Variants in IFNLR1 observed in about 807,000 individuals in gnomAD.
The protein encoded by IFNLR1 is interferon lambda receptor 1.
Under a neutral mutation model 52.5 loss-of-function variants are expected in IFNLR1, and 28 were observed. The ratio of observed to expected loss-of-function variants is 0.53; its 90% confidence interval spans 0.40 to 0.73. The LOEUF is 0.73. IFNLR1 is among the 30% of genes least tolerant of loss of function. IFNLR1 has a pLI of 0.00. For synonymous variants in IFNLR1, 276 were observed against 274.9 expected, an observed-to-expected ratio of 1.00 and a Z score of -0.04; for missense variants, 623 against 659.1, an observed-to-expected ratio of 0.95 and a Z score of 0.60.
chr1:24,163,381 G>A (rs910507908), intron 3 of IFNLR1, among the ~76,000 whole-genome samples: 2 of 152,124 alleles, frequency 1.3e-5, no homozygotes, highest in Admixed American at 6.5e-5. Context: ...TCACAATGAT[G>A]ATTAAATGTC....
At chr1:24,169,744 A>T (rs1369371760) in intron 2 of IFNLR1, 143 bp from the exon 3 acceptor site, 2 of 816,020 alleles carry the variant, frequency 2.5e-6, no homozygotes, top group Non-Finnish European at 3.8e-6. Context: ...ACTGGCTGAG[A>T]CAGGATAAGA....
At chr1:24,175,734 A>G (rs1360115082) in intron 2 of IFNLR1, among the ~76,000 whole-genome samples, 2 of 152,248 alleles carry the variant, frequency 1.3e-5, no homozygotes, top group East Asian at 3.9e-4. Flanking sequence ...GGAGTTCAAG[A>G]CCAGCCTGGC....
chr1:24,184,772 A>C (rs922135379), intron 1 of IFNLR1, among the ~76,000 whole-genome samples: 1 of 152,206 alleles, frequency 6.6e-6, no homozygotes, highest in African/African-American at 2.4e-5. Context: ...TGATCCCAGC[A>C]TTTTGGGAGG....
intron 1 of IFNLR1, among the ~76,000 whole-genome samples, chr1:24,185,843 A>G (rs1226343818): frequency 6.6e-6 from 1 of 152,194 alleles, no homozygotes; most frequent in Non-Finnish European, 1.5e-5. Flanking sequence ...CTTTACATGT[A>G]AAACCTCAAT....
intron 2 of IFNLR1, among the ~76,000 whole-genome samples, chr1:24,171,343 A>C (rs764300947): frequency 3.3e-5 from 5 of 152,244 alleles, no homozygotes; most frequent in Non-Finnish European, 7.3e-5. Context: ...GTTGAACCAC[A>C]TGTGAACTAT....
At chr1:24,185,103 T>C (rs1306366927) in intron 1 of IFNLR1, among the ~76,000 whole-genome samples, 1 of 152,164 alleles carries the variant, frequency 6.6e-6, no homozygotes, top group Non-Finnish European at 1.5e-5. Context: ...CTAAACAGTT[T>C]ACCTGCACTT....
Position 24,159,057 on chromosome 1 carries a change from C to T in IFNLR1, c.796G>A (p.Ala266Thr). 1.2e-6 allele frequency: 2 copies of T among 1,613,990 alleles called. No homozygotes were observed. Among genetic ancestry groups the T allele is most frequent in the Non-Finnish European group, 1.7e-6 (2 of 1,179,954 alleles). ...CACCCCCAGATTTGCTATACCAGGG[C>T]CCGTGGCATCTTTGCCCGCTGAAAC... ...PWFQRAKMPR[A>T]LDFSGHTHPV... is the part of the protein sequence containing the mutation. The change falls in exon 6 of 7, where the codon GCC (alanine) becomes ACC (threonine). Residue 266 changes from alanine (A) to threonine (T), a missense_variant. Ala to Thr is a moderately conservative substitution (Grantham distance 58). Coordinates refer to ENST00000327535, the MANE Select transcript of IFNLR1 (RefSeq NM_170743.4).
chr1:24,163,473 T>A (rs2148590746), intron 3 of IFNLR1, among the ~76,000 whole-genome samples: 1 of 152,234 alleles, frequency 6.6e-6, no homozygotes, highest in South Asian at 2.1e-4. Flanking sequence ...AATACTGACA[T>A]CTAACATATT....
intron 1 of IFNLR1, among the ~76,000 whole-genome samples, chr1:24,182,199 CAAA>C (rs60217046): frequency 5.5e-3 from 726 of 132,860 alleles, no homozygotes; most frequent in Non-Finnish European, 7.5e-3. Context: ...GACTCCATTC[CAAA>C]AAAAAAAAAA....
intron 4 of IFNLR1, among the ~76,000 whole-genome samples, chr1:24,161,124 G>A (rs957908834): frequency 6.6e-6 from 1 of 152,154 alleles, no homozygotes; most frequent in Non-Finnish European, 1.5e-5. Context: ...AGTCCTGAGC[G>A]AACATACGGC....
intron 4 of IFNLR1, 93 bp from the exon 5 acceptor site, chr1:24,159,726 G>GTTTTTTTTTTTTTTTGTTT: frequency 1.8e-5 from 14 of 761,902 alleles, no homozygotes; most frequent in South Asian, 6.3e-5. Flanking sequence ...ATGGTAGGGT[G>GTTTTTTTTTTTTTTTGTTT]TTTTTTTTTT....
intron 6 of IFNLR1, among the ~76,000 whole-genome samples, 154 bp from the exon 7 acceptor site, chr1:24,158,045 G>C (rs760488462): frequency 2.6e-5 from 4 of 152,222 alleles, no homozygotes; most frequent in Non-Finnish European, 4.4e-5. Context: ...AGATGGGACT[G>C]GGGGAGCAGC....
chr1:24,165,759 A>C (rs192575609), intron 3 of IFNLR1, among the ~76,000 whole-genome samples: 8 of 152,342 alleles, frequency 5.3e-5, no homozygotes. Context: ...GTCATTACTT[A>C]CATGTTTAGG....
intron 4 of IFNLR1, among the ~76,000 whole-genome samples, chr1:24,160,502 A>T (rs1348902863): frequency 1.3e-5 from 2 of 152,230 alleles, no homozygotes; most frequent in Non-Finnish European, 2.9e-5. Flanking sequence ...AACACTTAAA[A>T]CTGCACATGT....
intron 4 of IFNLR1, among the ~76,000 whole-genome samples, chr1:24,160,093 G>A (rs1334666300): frequency 6.6e-6 from 1 of 152,182 alleles, no homozygotes; most frequent in East Asian, 1.9e-4. Flanking sequence ...GAGTCTAGAG[G>A]TAGGGATAGC....
intron 2 of IFNLR1, among the ~76,000 whole-genome samples, chr1:24,179,591 T>C (rs1203389760): frequency 6.6e-6 from 1 of 152,134 alleles, no homozygotes; most frequent in Non-Finnish European, 1.5e-5. Flanking sequence ...AGGGCACAAA[T>C]GTTGGAGTCG....
At chr1:24,173,490 C>A (rs1644601950) in intron 2 of IFNLR1, among the ~76,000 whole-genome samples, 1 of 152,148 alleles carries the variant, frequency 6.6e-6, no homozygotes, top group African/African-American at 2.4e-5. Flanking sequence ...TTGTTGGTGG[C>A]AATGAACAAT....
At position 24,180,130 on chromosome 1, in the gene IFNLR1, G is replaced by A. The variant is rs192298477; in HGVS notation, c.182+601C>T. Among the ~76,000 whole-genome samples the A allele has an allele frequency of 2.2e-4, 33 of 152,084 alleles. No individual in the cohort carries two copies. The East Asian group carries it at 4.3e-3, about 20-fold the overall frequency. Reference sequence around the variant, plus strand: ...TGGGCAACATGGAGAAACCTCGTCTGTATTAAAAATACAAAAATTAGCCAG... The same window carrying A: ...TGGGCAACATGGAGAAACCTCGTCTATATTAAAAATACAAAAATTAGCCAG... On this transcript the variant is annotated intron_variant, in intron 2 of 6. Transcript: ENST00000327535.
At chr1:24,179,180 C>T (rs1644664179) in intron 2 of IFNLR1, among the ~76,000 whole-genome samples, 1 of 151,722 alleles carries the variant, frequency 6.6e-6, no homozygotes. Flanking sequence ...AACTCTTGGA[C>T]TCAAGCAATC....
Sources: allele counts gnomAD v4.1 joint callset (sites outside exome capture counted in the v4.1 genomes callset), GRCh38; gene constraint gnomAD v4.1.1; transcripts MANE v1.5; gene names NCBI Gene and HGNC (gene_info 2026-07-23, HGNC 2026-07-21).